Variants in FAAH2 observed in about 807,000 individuals in gnomAD.
FAAH2 encodes the protein fatty-acid amide hydrolase 2.
In FAAH2, 60 loss-of-function variants were observed where a neutral mutation model predicts 36.9. The ratio of observed to expected loss-of-function variants is 1.63; its 90% CI spans 1.32 to 2.02. FAAH2 has a LOEUF of 2.02. Ranked by LOEUF, FAAH2 falls within the 30% of genes most tolerant of loss-of-function variation. The probability of loss-of-function intolerance (pLI) is 0.00; values close to 1 mark genes in which losing one functional copy is unlikely to be tolerated. For missense variants in FAAH2, 689 were observed against 397.5 expected (o/e 1.73, Z -6.23); for synonymous variants, 214 against 143.8 (o/e 1.49, Z -3.49).
At chrX:57,336,059 A>G (rs1211143367) in intron 4 of FAAH2, among the ~76,000 whole-genome samples, 1 of 111,517 alleles carries the variant, frequency 9.0e-6, no homozygotes, top group Non-Finnish European at 1.9e-5. Context: ...CTCCGAGCCC[A>G]AGCTAAGCCA....
At position 57,331,633 on chromosome X, in the gene FAAH2, G is replaced by A. The variant is rs372488168; in HGVS notation, c.448G>A (p.Asp150Asn). The A allele has an allele frequency of 4.1e-5, 50 of 1,209,824 alleles. No individual in the cohort carries two copies. In the African/African-American group the frequency reaches 7.9e-4, roughly 19 times the overall value. The stretch of plus-strand genomic sequence containing the variant: ...TTCTTCTGGACTCATGAACCGTCGT[G>A]ATGCCATTGCCAAAACAGATGCCAC... Reference protein sequence around the residue: ...PNSSGLMNRRDAIAKTDATVV... With the variant: ...PNSSGLMNRRNAIAKTDATVV... The change falls in exon 4 of 11, where the codon GAT (aspartate) becomes AAT (asparagine). Residue 150 changes from aspartate (D) to asparagine (N), a missense_variant. Asp to Asn is a conservative substitution (Grantham distance 23, BLOSUM62 1). Coordinates refer to ENST00000374900, the MANE Select transcript of FAAH2 (RefSeq NM_174912.4).
intron 2 of FAAH2, among the ~76,000 whole-genome samples, chrX:57,304,107 C>T (rs752959119): frequency 7.0e-4 from 78 of 111,114 alleles, no homozygotes; most frequent in African/African-American, 2.0e-3. Flanking sequence ...CTCAGGGGGC[C>T]GAGGCAGGAG....
chrX:57,371,310 C>T (rs2054543871), intron 5 of FAAH2, among the ~76,000 whole-genome samples: 1 of 111,604 alleles, frequency 9.0e-6, no homozygotes, highest in African/African-American at 3.3e-5. Flanking sequence ...CATGTGTACA[C>T]AATGTTTAGC....
At chrX:57,474,194 A>AT (rs1178772553) in intron 10 of FAAH2, among the ~76,000 whole-genome samples, 31 of 111,101 alleles carry the variant, frequency 2.8e-4, no homozygotes, top group African/African-American at 9.2e-4. Flanking sequence ...TCTAGTGGTG[A>AT]TTTTTTTAAA....
intron 10 of FAAH2, among the ~76,000 whole-genome samples, chrX:57,482,061 C>A (rs1398955813): frequency 9.0e-6 from 1 of 111,502 alleles, no homozygotes; most frequent in Admixed American, 9.5e-5. Flanking sequence ...CCTACCAAAT[C>A]CTCAGTAATG....
At chrX:57,224,318 C>G in the FAAH2 span, among the ~76,000 whole-genome samples, 2 of 111,913 alleles carry the variant, frequency 1.8e-5, no homozygotes, top group Non-Finnish European at 3.8e-5. Context: ...CAACCCGTCT[C>G]TCAACAATAC....
chrX:57,404,512 C>G (rs1050095622), intron 7 of FAAH2, among the ~76,000 whole-genome samples: 1 of 111,619 alleles, frequency 9.0e-6, no homozygotes, highest in African/African-American at 3.3e-5. Context: ...AAGGCCCTGA[C>G]AAGGGTGGTA....
the FAAH2 span, chrX:57,126,743 C>G: frequency 9.0e-6 from 1 of 111,368 alleles, no homozygotes; most frequent in African/African-American, 3.3e-5. Flanking sequence ...ATTCTTCCTG[C>G]AAGTGATTGA....
chrX:57,447,721 G>C (rs888513625), intron 9 of FAAH2, among the ~76,000 whole-genome samples: 2 of 63,905 alleles, frequency 3.1e-5, no homozygotes, highest in African/African-American at 9.8e-5. Context: ...GGGCTGGAAT[G>C]CAGGGCACCA....
chrX:57,181,974 G>A, the FAAH2 span, among the ~76,000 whole-genome samples: 1 of 110,848 alleles, frequency 9.0e-6, no homozygotes, highest in African/African-American at 3.3e-5. Flanking sequence ...ACAAGCAATA[G>A]AAAAAAAACC....
chrX:57,218,158 G>A, the FAAH2 span, among the ~76,000 whole-genome samples: 1 of 111,761 alleles, frequency 8.9e-6, no homozygotes, highest in Admixed American at 9.5e-5. Flanking sequence ...GACAGTTTGA[G>A]TTCCTCTTTA....
the FAAH2 span, among the ~76,000 whole-genome samples, chrX:57,159,203 C>G: frequency 9.0e-6 from 1 of 111,657 alleles, no homozygotes; most frequent in African/African-American, 3.3e-5. Flanking sequence ...GTCTATATCT[C>G]TGTTTTGGTA....
At chrX:57,478,431 T>C (rs1295488499) in intron 10 of FAAH2, among the ~76,000 whole-genome samples, 1 of 111,547 alleles carries the variant, frequency 9.0e-6, no homozygotes, top group African/African-American at 3.3e-5. Flanking sequence ...TTCTCCCATT[T>C]TGTAGGTTGC....
At chrX:57,400,399 G>A (rs2055403048) in intron 7 of FAAH2, among the ~76,000 whole-genome samples, 1 of 112,203 alleles carries the variant, frequency 8.9e-6, no homozygotes, top group South Asian at 3.7e-4. Context: ...TCGGACCTGT[G>A]TAAGGACTCC....
the FAAH2 span, among the ~76,000 whole-genome samples, chrX:57,270,654 G>A: frequency 2.7e-5 from 3 of 111,843 alleles, no homozygotes; most frequent in African/African-American, 6.5e-5. Flanking sequence ...AATGGGACTG[G>A]TTGCACAGTG....
intron 7 of FAAH2, among the ~76,000 whole-genome samples, chrX:57,425,627 A>C (rs746464598): frequency 9.9e-5 from 11 of 111,664 alleles, no homozygotes; most frequent in Non-Finnish European, 2.1e-4. Flanking sequence ...ATGTTTATAA[A>C]TGAAGAAATG....
chrX:57,240,613 G>A, the FAAH2 span, among the ~76,000 whole-genome samples: 1 of 112,152 alleles, frequency 8.9e-6, no homozygotes, highest in Admixed American at 9.4e-5. Flanking sequence ...AGTGCAGTGG[G>A]GTCTGCACAT....
At chrX:57,385,825 G>A (rs1294440398) in intron 7 of FAAH2, among the ~76,000 whole-genome samples, 1 of 108,974 alleles carries the variant, frequency 9.2e-6, no homozygotes, top group Non-Finnish European at 1.9e-5. Context: ...GGAGAATGGC[G>A]TCAACCCGGG....
chrX:57,345,262 G>A (rs750981690), intron 5 of FAAH2, among the ~76,000 whole-genome samples: 1 of 107,447 alleles, frequency 9.3e-6, no homozygotes, highest in South Asian at 4.2e-4. Flanking sequence ...CCATCTGGTC[G>A]ATGTCTTTTG....
Sources: gnomAD v4.1 joint callset for allele counts (sites outside exome capture counted in the v4.1 genomes callset) on GRCh38, gnomAD v4.1.1 for gene constraint, MANE v1.5 for transcripts, NCBI Gene and HGNC (gene_info 2026-07-23, HGNC 2026-07-21) for gene names.